The following TENM4 variants were observed in gnomAD, a reference collection of about 807,000 sequenced individuals.
TENM4 encodes teneurin-4.
In TENM4, 82 loss-of-function variants were observed where a neutral mutation model predicts 243.3. That is an observed-to-expected ratio of 0.34 (90% confidence interval 0.28 to 0.40). TENM4 has a LOEUF of 0.40. Among genes scored for constraint, TENM4 ranks in the 10% least tolerant of loss-of-function variants. The pLI, the probability that TENM4 is intolerant of heterozygous loss-of-function variation, is 1.00. For missense variants in TENM4, 3,138 were observed against 3,673.3 expected, an observed-to-expected ratio of 0.85 and a Z score of 3.77; for synonymous variants, 1,412 against 1,456.3, an observed-to-expected ratio of 0.97 and a Z score of 0.69.
Position 78,738,557 on chromosome 11 carries a change from T to A in TENM4, c.2770A>T (p.Ile924Phe). 1 of 1,613,684 alleles carries A rather than the reference T, an allele frequency of 6.2e-7. No individual in the cohort carries two copies. The highest frequency in any genetic ancestry group is 8.5e-7 in the Non-Finnish European group (1 of 1,179,756). ...TCTGATGTCATCACTTGGCCACGAATAACACAAGCATGCCTGTGGGAAGAG... is the reference window on the plus strand; with the variant it reads ...TCTGATGTCATCACTTGGCCACGAAAAACACAAGCATGCCTGTGGGAAGAG... ...NPFDGGHACV[I>F]RGQVMTSDGT... is the part of the protein sequence containing the mutation. Residue 924 changes from isoleucine to phenylalanine, a missense_variant, in exon 20 of 34, where the codon ATT becomes TTT. Around this residue, in one of 2 missense-constraint regions of TENM4, gnomAD observed 2,467 missense variants for 3,059.1 expected, o/e 0.81. Transcript: ENST00000278550.
rs114244077 is a variant in TENM4, at chr11:79,061,772, A to G, written c.493+2966T>C. Among the ~76,000 whole-genome samples the G allele has an allele frequency of 2.8e-3, 423 of 152,286 alleles. 3 individuals carry two copies. Among genetic ancestry groups the G allele is most frequent in the African/African-American group, 9.3e-3 (388 of 41,550 alleles). On this transcript the variant is annotated intron_variant, in intron 6 of 33. Coordinates refer to ENST00000278550, the MANE Select transcript of TENM4 (RefSeq NM_001098816.3). ...AAGAGTAAAGATTTTAGAGTCATGT[A>G]GGCTTGAGTTCCAATCTCATTTTGC... is the stretch of plus-strand genomic sequence containing the variant.
intron 18 of TENM4, among the ~76,000 whole-genome samples, chr11:78,765,744 G>T (rs1311914144): frequency 6.6e-6 from 1 of 152,198 alleles, no homozygotes; most frequent in African/African-American, 2.4e-5. Context: ...ATGTAAATGT[G>T]TGCCTTGCAA....
chr11:78,897,740 C>T (rs899173254), intron 7 of TENM4, among the ~76,000 whole-genome samples: 3 of 152,236 alleles, frequency 2.0e-5, no homozygotes, highest in Admixed American at 6.5e-5. Flanking sequence ...GACTGTATAT[C>T]CCAATTCTCT....
At chr11:79,120,853 C>T (rs1022634588) in intron 4 of TENM4, among the ~76,000 whole-genome samples, 7 of 152,094 alleles carry the variant, frequency 4.6e-5, no homozygotes, top group Non-Finnish European at 7.4e-5. Context: ...ATTTGTTGGG[C>T]ATTATTCTAA....
chr11:79,194,438 A>G (rs1863579649), intron 3 of TENM4, among the ~76,000 whole-genome samples: 1 of 152,108 alleles, frequency 6.6e-6, no homozygotes, highest in Non-Finnish European at 1.5e-5. Flanking sequence ...AACCTCATGG[A>G]GACTTGTTGA....
intron 18 of TENM4, 131 bp from the exon 19 acceptor site, chr11:78,757,152 A>G (rs1471982235): frequency 1.0e-6 from 1 of 962,934 alleles, no homozygotes; most frequent in South Asian, 1.7e-5. Context: ...ATATAAGCCA[A>G]AGTCTTTGCT....
chr11:79,315,155 G>A (rs1856783174), intron 1 of TENM4, among the ~76,000 whole-genome samples: 1 of 152,148 alleles, frequency 6.6e-6, no homozygotes, highest in Non-Finnish European at 1.5e-5. Flanking sequence ...AGCCTTTACT[G>A]TAAGGCCCCA....
At chr11:79,436,631 C>G (rs1285132625) in intron 1 of TENM4, among the ~76,000 whole-genome samples, 1 of 152,208 alleles carries the variant, frequency 6.6e-6, no homozygotes, top group East Asian at 1.9e-4. Context: ...ACTCCACTCA[C>G]TATAGAACTA....
chr11:79,222,918 G>T (rs957441034), intron 2 of TENM4, among the ~76,000 whole-genome samples: 17 of 152,144 alleles, frequency 1.1e-4, no homozygotes, highest in African/African-American at 4.1e-4. Context: ...CAGATGGGTA[G>T]ATTGGGAGCT....
chr11:79,007,237 T>A (rs558529935), intron 6 of TENM4, among the ~76,000 whole-genome samples: 72 of 152,326 alleles, frequency 4.7e-4, no homozygotes, highest in African/African-American at 1.7e-3. Context: ...ATGGTTTTAC[T>A]TGACTGGAGT....
intron 18 of TENM4, among the ~76,000 whole-genome samples, chr11:78,768,720 A>T (rs1285485178): frequency 6.6e-6 from 1 of 152,062 alleles, no homozygotes; most frequent in East Asian, 1.9e-4. Context: ...GATCTTTTCC[A>T]CTTCCTACTG....
chr11:79,154,708 G>A (rs1233957046), intron 3 of TENM4, among the ~76,000 whole-genome samples: 1 of 152,070 alleles, frequency 6.6e-6, no homozygotes, highest in Non-Finnish European at 1.5e-5. Flanking sequence ...TTGCAGGAGA[G>A]CTCCTTGGCC....
chr11:78,996,908 A>C (rs1278809126), intron 6 of TENM4, among the ~76,000 whole-genome samples: 1 of 152,128 alleles, frequency 6.6e-6, no homozygotes, highest in Admixed American at 6.5e-5. Context: ...TTGTAGTCAG[A>C]GAGAATATTA....
In TENM4 at chr11:79,261,326, A is replaced by G. The variant is rs551922486; in HGVS notation, c.-265+36162T>C. Reference sequence around the variant, plus strand: ...GAAAGCTGATAGATCTGACCCCACAAACCTGTACCAAACCCTGCTCCAGGG... The same window carrying G: ...GAAAGCTGATAGATCTGACCCCACAGACCTGTACCAAACCCTGCTCCAGGG... On this transcript the variant is annotated intron_variant, in intron 2 of 33. Coordinates refer to ENST00000278550, the MANE Select transcript of TENM4 (RefSeq NM_001098816.3). Among the ~76,000 whole-genome samples the G allele has an allele frequency of 2.0e-5, 3 of 152,278 alleles. No individual in the cohort carries two copies. The South Asian group carries it at 6.2e-4, about 32-fold the overall frequency.
intron 9 of TENM4, among the ~76,000 whole-genome samples, chr11:78,876,518 A>T (rs1283456449): frequency 6.6e-6 from 1 of 152,146 alleles, no homozygotes; most frequent in Non-Finnish European, 1.5e-5. Flanking sequence ...TTCTCTTTCA[A>T]TATCTTACTT....
intron 6 of TENM4, among the ~76,000 whole-genome samples, chr11:78,987,052 G>C (rs989745006): frequency 1.3e-5 from 2 of 152,150 alleles, no homozygotes; most frequent in African/African-American, 4.8e-5. Context: ...ATACATTTTA[G>C]GTATAATAAT....
intron 9 of TENM4, among the ~76,000 whole-genome samples, chr11:78,878,530 G>C (rs1050691719): frequency 6.6e-6 from 1 of 152,160 alleles, no homozygotes; most frequent in African/African-American, 2.4e-5. Context: ...GGTAGAAGTG[G>C]GGTAGGAGGT....
intron 6 of TENM4, among the ~76,000 whole-genome samples, chr11:79,032,062 A>C (rs183286563): frequency 6.6e-6 from 1 of 152,274 alleles, no homozygotes; most frequent in East Asian, 1.9e-4. Context: ...CCTCACTTAG[A>C]TGTATTTTAG....
At chr11:78,743,986 T>C (rs1444762016) in intron 19 of TENM4, among the ~76,000 whole-genome samples, 1 of 152,250 alleles carries the variant, frequency 6.6e-6, no homozygotes, top group African/African-American at 2.4e-5. Flanking sequence ...ATCACTCCTT[T>C]GCATTGTGTA....
Sources: allele counts gnomAD v4.1 joint callset (sites outside exome capture counted in the v4.1 genomes callset), GRCh38; gene constraint gnomAD v4.1.1; regional missense constraint gnomAD v4.1.1; transcripts MANE v1.5; gene names NCBI Gene and HGNC (gene_info 2026-07-23, HGNC 2026-07-21).